The following FSTL4 variants were observed in gnomAD, a reference collection of about 807,000 sequenced individuals.
FSTL4 encodes follistatin like 4.
Under a neutral mutation model 78.2 loss-of-function variants are expected in FSTL4, and 28 were observed. The observed-to-expected ratio is 0.36, with a 90% CI of 0.27 to 0.49. The LOEUF (loss-of-function observed/expected upper bound fraction) is 0.49. FSTL4 is among the 20% of genes least tolerant of loss of function. The pLI is 0.98. For synonymous variants in FSTL4, 422 were observed against 440.5 expected, an observed-to-expected ratio of 0.96 and a Z score of 0.53; for missense variants, 922 against 1,084.9, an observed-to-expected ratio of 0.85 and a Z score of 2.11.
At chr5:133,393,883 G>A (rs1209367734) in intron 4 of FSTL4, among the ~76,000 whole-genome samples, 4 of 152,264 alleles carry the variant, frequency 2.6e-5, no homozygotes, top group African/African-American at 9.6e-5. Flanking sequence ...GGGAAGCCCC[G>A]CCCAGCAGTG....
intron 4 of FSTL4, among the ~76,000 whole-genome samples, chr5:133,326,379 GACAGGTGT>G: frequency 6.6e-6 from 1 of 152,268 alleles, no homozygotes; most frequent in Non-Finnish European, 1.5e-5. Context: ...AACAAACATG[GACAGGTGT>G]ACTGGAAGTC....
intron 3 of FSTL4, among the ~76,000 whole-genome samples, chr5:133,494,199 C>A (rs966888497): frequency 6.6e-6 from 1 of 152,098 alleles, no homozygotes; most frequent in Admixed American, 6.5e-5. Context: ...AACATGTAAA[C>A]CACAGCAGAA....
chr5:133,566,319 G>T (rs1176757271), intron 3 of FSTL4, among the ~76,000 whole-genome samples: 1 of 152,154 alleles, frequency 6.6e-6, no homozygotes, highest in Non-Finnish European at 1.5e-5. Flanking sequence ...CATAACACAA[G>T]AACTAATCAG....
chr5:133,621,514 C>T, the FSTL4 span, among the ~76,000 whole-genome samples: 2 of 152,160 alleles, frequency 1.3e-5, no homozygotes, highest in African/African-American at 2.4e-5. Context: ...GAAAACCAAA[C>T]ATCGTATGTT....
At chr5:133,382,279 G>A (rs78082611) in intron 4 of FSTL4, among the ~76,000 whole-genome samples, 2 of 152,344 alleles carry the variant, frequency 1.3e-5, no homozygotes, top group South Asian at 2.1e-4. Flanking sequence ...GAGCCCCTGC[G>A]GACCCATGCT....
At chr5:133,456,193 T>C (rs1252054135) in intron 3 of FSTL4, among the ~76,000 whole-genome samples, 1 of 152,208 alleles carries the variant, frequency 6.6e-6, no homozygotes, top group Non-Finnish European at 1.5e-5. Context: ...TCTGTATCTC[T>C]GATTTCTGCA....
intron 3 of FSTL4, among the ~76,000 whole-genome samples, chr5:133,453,460 G>A (rs1394526248): frequency 6.6e-6 from 1 of 152,178 alleles, no homozygotes; most frequent in Non-Finnish European, 1.5e-5. Context: ...GGGCAGAGGG[G>A]CCTCACATAG....
intron 3 of FSTL4, among the ~76,000 whole-genome samples, chr5:133,538,739 A>C (rs544542645): frequency 3.3e-5 from 5 of 152,198 alleles, no homozygotes; most frequent in Non-Finnish European, 5.9e-5. Context: ...ACCATTCAAA[A>C]GCCTGGGAGT....
the FSTL4 span, among the ~76,000 whole-genome samples, chr5:133,699,511 G>C: frequency 2.0e-5 from 3 of 152,076 alleles, no homozygotes; most frequent in Non-Finnish European, 4.4e-5. Context: ...TAAAGAAATG[G>C]AGGCTCAGAA....
rs191595110 is a variant in FSTL4, at chr5:133,483,919, C to T, written c.161-82933G>A. Among the ~76,000 whole-genome samples, 340 of 152,354 alleles carry T rather than the reference C, an allele frequency of 2.2e-3. 2 individuals are homozygous for T. The highest frequency in any genetic ancestry group is 7.9e-3 in the African/African-American group (330 of 41,572). On this transcript the variant is annotated intron_variant, in intron 3 of 15. Coordinates refer to ENST00000265342, the MANE Select transcript of FSTL4 (RefSeq NM_015082.2). ...AGGCTTTCCTGTCTGTGGCTCCTCC[C>T]TGCAGCCTGCCAGGCCTCCAAGCGA...
chr5:133,657,438 G>A, the FSTL4 span, among the ~76,000 whole-genome samples: 1 of 152,038 alleles, frequency 6.6e-6, no homozygotes, highest in African/African-American at 2.4e-5. Context: ...TCTTCTTTTG[G>A]TCCTCAGGTG....
At chr5:133,365,553 C>T (rs1755166844) in intron 4 of FSTL4, among the ~76,000 whole-genome samples, 1 of 152,158 alleles carries the variant, frequency 6.6e-6, no homozygotes, top group South Asian at 2.1e-4. Context: ...CTGCACGAGG[C>T]AGGATGTTCT....
At chr5:133,551,656 G>A (rs1204262944) in intron 3 of FSTL4, among the ~76,000 whole-genome samples, 1 of 152,168 alleles carries the variant, frequency 6.6e-6, no homozygotes, top group Non-Finnish European at 1.5e-5. Flanking sequence ...GATTCTGGAG[G>A]AGCCAACAGT....
the FSTL4 span, among the ~76,000 whole-genome samples, chr5:133,820,558 G>T: frequency 6.6e-6 from 1 of 152,116 alleles, no homozygotes; most frequent in Non-Finnish European, 1.5e-5. Flanking sequence ...TCAATTTCAT[G>T]TCTGTGATTT....
intron 4 of FSTL4, among the ~76,000 whole-genome samples, chr5:133,366,747 C>G (rs1580653174): frequency 6.6e-6 from 1 of 151,576 alleles, no homozygotes. Context: ...CGGACCAATC[C>G]AAGATGGAAG....
intron 5 of FSTL4, 152 bp downstream of exon 5, chr5:133,316,307 A>G: frequency 1.7e-6 from 1 of 595,964 alleles, no homozygotes; most frequent in East Asian, 2.8e-5. Flanking sequence ...AATAGAGGCT[A>G]AAGGTGGCTG....
the FSTL4 span, among the ~76,000 whole-genome samples, chr5:133,781,366 TG>T: frequency 8.5e-3 from 4 of 472 alleles, no homozygotes; most frequent in East Asian, 0.071. Context: ...GTTAAGCGGT[TG>T]TGTGTGTGTG....
At chr5:133,395,495 G>A (rs1487937905) in intron 4 of FSTL4, among the ~76,000 whole-genome samples, 2 of 152,200 alleles carry the variant, frequency 1.3e-5, no homozygotes, top group African/African-American at 2.4e-5. Context: ...AACACTCACC[G>A]CGCGGGTCCG....
rs542488162 is a variant in FSTL4 at position 133,338,747 on chromosome 5, C to G, written c.410-22095G>C. On this transcript the variant is annotated intron_variant, in intron 4 of 15. Transcript: ENST00000265342. The surrounding 1 kb of genome is among the most constrained non-coding windows in gnomAD (Gnocchi z 4.0). ...CCTTCTTTCACATCCCAGCCTCAGC[C>G]GACAACCCCTCCACCCAAGCCCCCT... Among the ~76,000 whole-genome samples, 2 of 152,040 alleles carry G rather than the reference C, an allele frequency of 1.3e-5. No individual in the cohort carries two copies. Among genetic ancestry groups the G allele is most frequent in the East Asian group, 3.9e-4 (2 of 5,192 alleles).
Sources: gnomAD v4.1 joint callset for allele counts (sites outside exome capture counted in the v4.1 genomes callset) on GRCh38, gnomAD v4.1.1 for gene constraint, Gnocchi (gnomAD v3.1) non-coding constraint, MANE v1.5 for transcripts, NCBI Gene and HGNC (gene_info 2026-07-23, HGNC 2026-07-21) for gene names.